MYL12B: variants seen among roughly 807,000 people sequenced by gnomAD.
MYL12B encodes myosin light chain 12B.
A neutral mutation model predicts 12.9 loss-of-function variants in MYL12B; 3 were observed. That is an observed-to-expected ratio of 0.23 (90% CI 0.11 to 0.60). MYL12B has a LOEUF of 0.60. Ranked by LOEUF, MYL12B falls within the 20% of genes least tolerant of loss-of-function variation. The probability of loss-of-function intolerance (pLI) is 0.89; values close to 1 mark genes in which losing one functional copy is unlikely to be tolerated. For missense variants in MYL12B, 120 were observed against 215.4 expected, an observed-to-expected ratio of 0.56 and a Z score of 2.77; for synonymous variants, 57 against 71.9, an observed-to-expected ratio of 0.79 and a Z score of 1.05.
intron 2 of MYL12B, among the ~76,000 whole-genome samples, chr18:3,276,066 C>G (rs955706885): frequency 1.8e-4 from 27 of 151,778 alleles, no homozygotes; most frequent in Non-Finnish European, 1.5e-5. Flanking sequence ...TGAGATGGTT[C>G]CTTAGATATG....
chr18:3,278,152 G>A lies in MYL12B; in HGVS notation c.*215G>A, dbSNP rs778941922. On this transcript the variant is annotated 3_prime_UTR_variant, in exon 4 of 4. Transcript: ENST00000237500. ...GGTGTAAATTGTATTGAAAAAGATC[G>A]CGAATAAAAATCAACAAATGTGAAA... The A allele has an allele frequency of 6.6e-5, 28 of 423,166 alleles. No individual in the cohort carries two copies. The highest frequency in any genetic ancestry group is 1.0e-4 in the Non-Finnish European group (25 of 245,078). 26.2% of individuals were successfully genotyped at this position (423,166 alleles called of 1,614,324 possible). A position where few individuals can be genotyped will look rare whatever the true frequency, so the allele number is the denominator to read the frequency against.
intron 1 of MYL12B, among the ~76,000 whole-genome samples, chr18:3,264,401 G>A (rs2081620779): frequency 6.6e-6 from 1 of 152,202 alleles, no homozygotes; most frequent in Non-Finnish European, 1.5e-5. Context: ...AAAGGCAAAA[G>A]GCAATAAAAA....
At chr18:3,265,557 TCA>T (rs2081628271) in intron 1 of MYL12B, among the ~76,000 whole-genome samples, 1 of 152,118 alleles carries the variant, frequency 6.6e-6, no homozygotes, top group African/African-American at 2.4e-5. Flanking sequence ...CAAGACCCTC[TCA>T]GAGTCCTGTC....
intron 3 of MYL12B, 60 bp from the exon 4 acceptor site, chr18:3,277,705 T>G: frequency 1.3e-6 from 2 of 1,546,282 alleles, no homozygotes; most frequent in Non-Finnish European, 1.7e-6. Flanking sequence ...GCTTTAGGAA[T>G]GAACCATCAA....
chr18:3,271,927 G>A (rs1178319914), intron 1 of MYL12B: 2 of 269,730 alleles, frequency 7.4e-6, no homozygotes, highest in Admixed American at 6.5e-5. Flanking sequence ...AAAAGGGGCT[G>A]GGCACGGTGG....
intron 1 of MYL12B, among the ~76,000 whole-genome samples, chr18:3,266,569 C>G (rs2081636578): frequency 1.8e-5 from 1 of 55,264 alleles, no homozygotes; most frequent in Non-Finnish European, 4.9e-5. Context: ...AGGGGTCAGA[C>G]AGATAACAAA....
At chr18:3,274,204 G>C (rs1462091344) in intron 2 of MYL12B, among the ~76,000 whole-genome samples, 1 of 152,154 alleles carries the variant, frequency 6.6e-6, no homozygotes, top group African/African-American at 2.4e-5. Flanking sequence ...GGGCAAGTCA[G>C]TACTGAAGAA....
chr18:3,272,119 A>G (rs2144360439), intron 1 of MYL12B: 1 of 985,380 alleles, frequency 1.0e-6, no homozygotes, highest in Non-Finnish European at 1.2e-6. Flanking sequence ...ATGCAGGGAT[A>G]GCTAGAAAGA....
intron 1 of MYL12B, among the ~76,000 whole-genome samples, chr18:3,270,662 TTCTGA>T (rs1329561317): frequency 1.9e-4 from 3 of 15,922 alleles, no homozygotes; most frequent in Admixed American, 3.9e-4. Context: ...AATTGACTGA[TTCTGA>T]TTTGATTTGA....
intron 1 of MYL12B, chr18:3,272,249 AAAATTGAG>A: frequency 1.1e-6 from 1 of 893,736 alleles, no homozygotes; most frequent in Non-Finnish European, 1.3e-6. Flanking sequence ...TTACTGATGA[AAAATTGAG>A]GCTCAGAGAG....
intron 1 of MYL12B, among the ~76,000 whole-genome samples, chr18:3,267,106 T>A (rs1309450813): frequency 6.6e-6 from 1 of 152,224 alleles, no homozygotes; most frequent in Admixed American, 6.5e-5. Context: ...TGAAATCACC[T>A]GGTGCGTTTT....
chr18:3,266,461 C>T (rs1322634384), intron 1 of MYL12B, among the ~76,000 whole-genome samples: 2 of 89,872 alleles, frequency 2.2e-5, no homozygotes, highest in Non-Finnish European at 2.4e-5. Context: ...CAACACTTTT[C>T]ATTGTTGGAG....
chr18:3,262,880 A>G (rs1345223408), intron 1 of MYL12B: 1 of 152,278 alleles, frequency 6.6e-6, no homozygotes, highest in Non-Finnish European at 1.5e-5. Context: ...GTAAAGGTTT[A>G]GTTTATTCGT....
chr18:3,273,445 T>G (rs2081699532), intron 2 of MYL12B, among the ~76,000 whole-genome samples: 1 of 152,128 alleles, frequency 6.6e-6, no homozygotes, highest in South Asian at 2.1e-4. Flanking sequence ...GGAGTGACAG[T>G]AAGTGATGAT....
intron 1 of MYL12B, among the ~76,000 whole-genome samples, chr18:3,268,960 TTC>T (rs1598807062): frequency 1.3e-5 from 2 of 152,260 alleles, no homozygotes; most frequent in East Asian, 1.9e-4. Flanking sequence ...AGATCTTTAA[TTC>T]TCTCTCTGTT....
At chr18:3,271,124 A>C (rs2081675543) in intron 1 of MYL12B, among the ~76,000 whole-genome samples, 1 of 152,264 alleles carries the variant, frequency 6.6e-6, no homozygotes, top group Admixed American at 6.5e-5. Flanking sequence ...CAAAATTTTT[A>C]GCATGAGAAT....
At chr18:3,266,417 C>CTTATTGTCACAATATT (rs1396987969) in intron 1 of MYL12B, among the ~76,000 whole-genome samples, 3 of 152,164 alleles carry the variant, frequency 2.0e-5, no homozygotes, top group Admixed American at 2.0e-4. Context: ...TTCACAATAT[C>CTTATTGTCACAATATT]TTATTGTCAC....
chr18:3,270,792 C>G (rs188355328), intron 1 of MYL12B, among the ~76,000 whole-genome samples: 1 of 152,214 alleles, frequency 6.6e-6, no homozygotes, highest in East Asian at 1.9e-4. Context: ...CCCAGCCTCC[C>G]AAATAGTAGC....
At chr18:3,277,077 T>C (rs2081738455) in intron 2 of MYL12B, 176 bp from the exon 3 acceptor site, 1 of 940,314 alleles carries the variant, frequency 1.1e-6, no homozygotes, top group South Asian at 4.9e-5. Flanking sequence ...TAATGATGTA[T>C]CCAATATTTT....
Sources: allele counts gnomAD v4.1 joint callset (sites outside exome capture counted in the v4.1 genomes callset), GRCh38; gene constraint gnomAD v4.1.1; transcripts MANE v1.5; gene names NCBI Gene and HGNC (gene_info 2026-07-23, HGNC 2026-07-21).